Variants in DOCK1 observed in about 807,000 individuals in gnomAD.
The protein encoded by DOCK1 is dedicator of cytokinesis protein 1.
A neutral mutation model predicts 262.7 loss-of-function variants in DOCK1; 138 were observed. The ratio of observed to expected loss-of-function variants is 0.53; its 90% CI spans 0.46 to 0.61. The LOEUF (loss-of-function observed/expected upper bound fraction) is 0.61. Ranked by LOEUF, DOCK1 falls within the 20% of genes least tolerant of loss-of-function variation. The pLI is 0.00. For missense variants in DOCK1, 1,908 were observed against 2,370.7 expected (o/e 0.80, Z 4.05); for synonymous variants, 866 against 867.4 (o/e 1.00, Z 0.03).
chr10:127,213,392 A>T (rs1327235269), intron 27 of DOCK1, among the ~76,000 whole-genome samples: 2 of 152,204 alleles, frequency 1.3e-5, no homozygotes, highest in Non-Finnish European at 2.9e-5. Flanking sequence ...GGTCTGATTT[A>T]TTCTTCATAA....
At chr10:127,375,661 A>G (rs946394497) in intron 35 of DOCK1, among the ~76,000 whole-genome samples, 1 of 152,230 alleles carries the variant, frequency 6.6e-6, no homozygotes, top group African/African-American at 2.4e-5. Context: ...GAGGAACTTC[A>G]CAGCTGAAAG....
intron 1 of DOCK1, among the ~76,000 whole-genome samples, chr10:126,943,460 G>T (rs929965928): frequency 6.6e-6 from 1 of 152,152 alleles, no homozygotes; most frequent in Non-Finnish European, 1.5e-5. Context: ...TAGTAATAGT[G>T]GTTGTAGCAT....
rs2033153449 is a variant in DOCK1 at position 126,921,188 on chromosome 10, A to G, written c.46+15625A>G. Among the ~76,000 whole-genome samples the G allele has an allele frequency of 2.1e-5, 3 of 141,772 alleles. No individual in the cohort carries two copies. The Admixed American group carries it at 2.3e-4, about 11-fold the overall frequency. The allele number at this position is 141,772 out of a possible 152,430, so 93.0% of individuals were successfully genotyped here. A position where few individuals can be genotyped will look rare whatever the true frequency, so the allele number is the denominator to read the frequency against. On this transcript the variant is annotated intron_variant, in intron 1 of 51. Transcript: ENST00000623213. ...GCACTCCAGTCTGAGCAGAAGAGTAAGACTCTATCTCAAAAAAAAAAAAAA... is the reference window on the plus strand; with the variant it reads ...GCACTCCAGTCTGAGCAGAAGAGTAGGACTCTATCTCAAAAAAAAAAAAAA...
At chr10:127,364,398 C>T (rs561034133) in intron 33 of DOCK1, among the ~76,000 whole-genome samples, 1 of 152,170 alleles carries the variant, frequency 6.6e-6, no homozygotes, top group African/African-American at 2.4e-5. Context: ...GACGGAGTCT[C>T]GCTCTGTTGC....
chr10:127,119,056 T>TG (rs33965290), intron 25 of DOCK1, among the ~76,000 whole-genome samples: 1 of 151,742 alleles, frequency 6.6e-6, no homozygotes, highest in Non-Finnish European at 1.5e-5. Flanking sequence ...AGGCTTTTTT[T>TG]TTTTTGAGAC....
chr10:127,347,870 T>C lies in DOCK1; in HGVS notation c.3224+4124T>C, dbSNP rs1338390109. Among the ~76,000 whole-genome samples, 189 of 25,618 alleles carry C rather than the reference T, an allele frequency of 7.4e-3. 23 individuals are homozygous for C. The highest frequency in any genetic ancestry group is 0.02 in the South Asian group (12 of 600). The allele number at this position is 25,618 out of a possible 152,430, so 16.8% of individuals were successfully genotyped here. A position where few individuals can be genotyped will look rare whatever the true frequency, so the allele number is the denominator to read the frequency against. On this transcript the variant is annotated intron_variant, in intron 31 of 51. Coordinates refer to ENST00000623213, the MANE Select transcript of DOCK1 (RefSeq NM_001290223.2). ...TTCCCTTCCCTTCCCTTCCCTTCCC[T>C]TCCCTTCCCTTCCCATCCCTTCCCT...
chr10:127,351,749 G>C (rs2063890595), intron 31 of DOCK1, among the ~76,000 whole-genome samples: 1 of 152,080 alleles, frequency 6.6e-6, no homozygotes, highest in African/African-American at 2.4e-5. Context: ...GAAATGGCTT[G>C]GGAAGCCCCC....
rs764200154 is a variant in DOCK1 at position 127,043,076 on chromosome 10, G to A, written c.2113G>A (p.Gly705Arg). The change falls in exon 21 of 52, where the codon GGA becomes AGA. Residue 705 changes from glycine to arginine, a missense_variant. Gly to Arg is a moderately radical substitution (Grantham distance 125). Around this residue, in one of 9 missense-constraint regions of DOCK1, gnomAD observed 294 missense variants for 439.9 expected, o/e 0.67. Coordinates refer to ENST00000623213, the MANE Select transcript of DOCK1 (RefSeq NM_001290223.2). ...ATTAATTTGACAGGTATTTATCATTGGACTGATTGCTGATAGAAAATTTCA... is the reference window on the plus strand; with the variant it reads ...ATTAATTTGACAGGTATTTATCATTAGACTGATTGCTGATAGAAAATTTCA... ...LVFDALVFII[G>R]LIADRKFQHF... 9 of 1,606,348 alleles carry A rather than the reference G, an allele frequency of 5.6e-6. No individual in the cohort carries two copies. The African/African-American group carries it at 1.2e-4, about 21-fold the overall frequency.
At chr10:127,153,766 A>G (rs1006537573) in intron 27 of DOCK1, 4 of 1,040,192 alleles carry the variant, frequency 3.8e-6, no homozygotes, top group Middle Eastern at 2.1e-4. Context: ...TCATCCCAGC[A>G]TGGCCCCAGA....
At chr10:127,408,704 T>C (rs1426863641) in intron 40 of DOCK1, among the ~76,000 whole-genome samples, 1 of 152,238 alleles carries the variant, frequency 6.6e-6, no homozygotes, top group East Asian at 1.9e-4. Context: ...AACCATTTCA[T>C]GCCCATTCTA....
chr10:127,175,900 GC>G lies in DOCK1; in HGVS notation c.2847+48140del, dbSNP rs766459538. On this transcript the variant is annotated intron_variant, in intron 27 of 51. Coordinates refer to ENST00000623213, the MANE Select transcript of DOCK1 (RefSeq NM_001290223.2). This position sits in a 1 kb window ranked among gnomAD's most constrained non-coding sequence, Gnocchi z 6.3. ...ACCAAGGCTGTGGTCTTGTGCACCC[GC>G]CCCGCGCCACATGGCCGGGCCTCCT... 2 of 1,614,136 alleles carry G rather than the reference GC, an allele frequency of 1.2e-6. No homozygotes were observed. The highest frequency in any genetic ancestry group is 8.5e-7 in the Non-Finnish European group (1 of 1,180,032).
intron 23 of DOCK1, among the ~76,000 whole-genome samples, chr10:127,069,682 T>C (rs1313640617): frequency 6.6e-6 from 1 of 151,996 alleles, no homozygotes; most frequent in Non-Finnish European, 1.5e-5. Context: ...GACAGACTTG[T>C]TGAATTAGAA....
intron 27 of DOCK1, among the ~76,000 whole-genome samples, chr10:127,243,537 G>A (rs923931728): frequency 6.6e-6 from 1 of 151,900 alleles, no homozygotes; most frequent in African/African-American, 2.4e-5. Context: ...CCTTCTACCT[G>A]TGCTCAGTTC....
At chr10:127,273,739 C>T (rs4751148) in intron 29 of DOCK1, among the ~76,000 whole-genome samples, 60,081 of 151,762 alleles carry the variant, frequency 0.4, 12,094 homozygotes, top group Admixed American at 0.45. Flanking sequence ...AAAAGTTAGC[C>T]GGGTGCGATG....
At chr10:127,253,650 G>T (rs768513446) in intron 28 of DOCK1, among the ~76,000 whole-genome samples, 23 of 152,044 alleles carry the variant, frequency 1.5e-4, no homozygotes, top group Non-Finnish European at 2.6e-4. Context: ...GAAGCAGAAA[G>T]ATCTATTGAG....
Position 127,299,119 on chromosome 10 carries a change from G to A in DOCK1, c.3045-39887G>A, listed in dbSNP as rs147606441. ...GATGGGCTCTTTATTTTTTGTTTGA[G>A]ACCATGTCTTGCTCTGTCACTCAGG... On this transcript the variant is annotated intron_variant, in intron 29 of 51. Transcript: ENST00000623213. 4.8e-3 allele frequency among the ~76,000 whole-genome samples: 735 copies of A among 152,220 alleles called. 2 individuals carry two copies. Among genetic ancestry groups the A allele is most frequent in the Non-Finnish European group, 7.3e-3 (496 of 68,004 alleles).
At chr10:126,912,743 A>G (rs2031990949) in intron 1 of DOCK1, among the ~76,000 whole-genome samples, 1 of 148,968 alleles carries the variant, frequency 6.7e-6, no homozygotes, top group Non-Finnish European at 1.5e-5. Flanking sequence ...AAAAAAAAAA[A>G]AGAAAGAAAG....
intron 31 of DOCK1, among the ~76,000 whole-genome samples, chr10:127,350,315 C>G (rs34377883): frequency 0.1 from 15,858 of 151,438 alleles, 977 homozygotes; most frequent in African/African-American, 0.16. Context: ...CACCCCTCAC[C>G]CCCTGGTCTC....
intron 23 of DOCK1, among the ~76,000 whole-genome samples, chr10:127,074,649 TG>T (rs1362670888): frequency 1.3e-5 from 2 of 152,220 alleles, no homozygotes; most frequent in East Asian, 3.9e-4. Flanking sequence ...TCTTCTTGCC[TG>T]TGTCACCTTT....
Sources: gnomAD v4.1 joint callset for allele counts (sites outside exome capture counted in the v4.1 genomes callset) on GRCh38, gnomAD v4.1.1 for gene constraint, gnomAD v4.1.1 regional missense constraint, Gnocchi (gnomAD v3.1) non-coding constraint, MANE v1.5 for transcripts, NCBI Gene and HGNC (gene_info 2026-07-23, HGNC 2026-07-21) for gene names.